CCDC175: variants seen among roughly 807,000 people sequenced by gnomAD.
The protein encoded by CCDC175 is coiled-coil domain containing 175, also known as coiled-coil domain-containing protein 175.
CCDC175 carries 100 observed loss-of-function variants against 114.6 expected under a neutral mutation model. That is an observed-to-expected ratio of 0.87 (90% CI 0.74 to 1.03). CCDC175 has a LOEUF of 1.03. CCDC175 is among the 50% of genes least tolerant of loss of function. The probability of loss-of-function intolerance (pLI) is 0.00; values close to 1 mark genes in which losing one functional copy is unlikely to be tolerated. For synonymous variants in CCDC175, 306 were observed against 308.7 expected, an observed-to-expected ratio of 0.99 and a Z score of 0.09; for missense variants, 880 against 917.8, an observed-to-expected ratio of 0.96 and a Z score of 0.53.
chr14:59,527,022 G>C, intron 15 of CCDC175, 73 bp downstream of exon 15: 1 of 772,680 alleles, frequency 1.3e-6, no homozygotes. Flanking sequence ...TCAATGCCAG[G>C]TAAATACTAC....
intron 17 of CCDC175, among the ~76,000 whole-genome samples, chr14:59,518,121 G>T (rs972353481): frequency 9.7e-4 from 148 of 152,260 alleles, no homozygotes; most frequent in Middle Eastern, 6.8e-3. Flanking sequence ...TAGCCATATG[G>T]AGAAAGCTGA....
chr14:59,576,597 C>T, intron 1 of CCDC175, 22 bp downstream of exon 1: 2 of 1,406,600 alleles, frequency 1.4e-6, no homozygotes, highest in Non-Finnish European at 1.8e-6. Flanking sequence ...ACGTCCCTTC[C>T]AGCGCCCGAG....
intron 4 of CCDC175, among the ~76,000 whole-genome samples, chr14:59,565,811 C>T (rs1302490545): frequency 6.6e-6 from 1 of 152,186 alleles, no homozygotes; most frequent in Non-Finnish European, 1.5e-5. Flanking sequence ...TGCCTCGCCC[C>T]ACCCGTCCCC....
intron 4 of CCDC175, among the ~76,000 whole-genome samples, chr14:59,566,864 C>A (rs962018463): frequency 6.6e-6 from 1 of 152,172 alleles, no homozygotes. Context: ...CCTGCCACCA[C>A]CTTCTGTTTG....
chr14:59,530,437 G>A (rs955681879), intron 14 of CCDC175, among the ~76,000 whole-genome samples: 2 of 143,162 alleles, frequency 1.4e-5, no homozygotes, highest in Admixed American at 1.4e-4. Context: ...GGAAAGGAAA[G>A]GAAGGGAAGG....
At chr14:59,538,875 T>C (rs1308838141) in intron 11 of CCDC175, 35 bp from the exon 12 acceptor site, 2 of 1,507,442 alleles carry the variant, frequency 1.3e-6, no homozygotes. Context: ...GCCATTAAAT[T>C]GACATAGCAG....
intron 19 of CCDC175, among the ~76,000 whole-genome samples, chr14:59,509,637 C>G (rs1022597700): frequency 5.9e-5 from 9 of 152,120 alleles, no homozygotes; most frequent in Non-Finnish European, 1.0e-4. Context: ...CTCAACCTTC[C>G]GAGTAGCTGA....
intron 17 of CCDC175, among the ~76,000 whole-genome samples, chr14:59,519,538 G>A (rs896516500): frequency 6.6e-6 from 1 of 152,162 alleles, no homozygotes; most frequent in Non-Finnish European, 1.5e-5. Context: ...GAAAAGTCAA[G>A]CTTCAGACAG....
intron 7 of CCDC175, among the ~76,000 whole-genome samples, chr14:59,560,679 C>T (rs1896180517): frequency 6.6e-6 from 1 of 152,090 alleles, no homozygotes. Context: ...GTTCCAGTCC[C>T]ACGTGTAGCA....
intron 3 of CCDC175, among the ~76,000 whole-genome samples, chr14:59,569,061 A>G (rs1249853829): frequency 1.3e-5 from 2 of 152,232 alleles, no homozygotes; most frequent in African/African-American, 4.8e-5. Context: ...TCCATAAATA[A>G]TAAGTCAGTG....
chr14:59,555,861 C>T (rs1183957894), intron 7 of CCDC175, among the ~76,000 whole-genome samples: 1 of 152,124 alleles, frequency 6.6e-6, no homozygotes, highest in Non-Finnish European at 1.5e-5. Flanking sequence ...AACTCCCATT[C>T]ACAATTGCTT....
intron 1 of CCDC175, among the ~76,000 whole-genome samples, chr14:59,575,512 T>C (rs1897061616): frequency 6.8e-6 from 1 of 148,146 alleles, no homozygotes; most frequent in South Asian, 2.2e-4. Context: ...TTCCTTTTTT[T>C]TTTTTTTTTT....
At chr14:59,539,670 T>C (rs1419577204) in intron 11 of CCDC175, among the ~76,000 whole-genome samples, 1 of 151,978 alleles carries the variant, frequency 6.6e-6, no homozygotes, top group Non-Finnish European at 1.5e-5. Context: ...TCCCAGCACT[T>C]TGGGAGGCCA....
intron 6 of CCDC175, among the ~76,000 whole-genome samples, chr14:59,561,785 TTGCAA>T (rs1896238833): frequency 6.6e-6 from 1 of 152,226 alleles, no homozygotes; most frequent in Admixed American, 6.5e-5. Context: ...ACCGACATTT[TTGCAA>T]TGCAATTTTG....
rs533442216 is a variant in CCDC175, at chr14:59,557,161, G to A, written c.953+3958C>T. 1.2e-4 allele frequency among the ~76,000 whole-genome samples: 19 copies of A among 152,182 alleles called. No homozygotes were observed. The South Asian group carries it at 1.5e-3, about 12-fold the overall frequency. On this transcript the variant is annotated intron_variant, in intron 7 of 19. Transcript: ENST00000537690. ...AAATCATACTGCTATAAAGACACACGCACACGTATGTTTATTGCGGCACTA... is the reference window on the plus strand; with the variant it reads ...AAATCATACTGCTATAAAGACACACACACACGTATGTTTATTGCGGCACTA...
intron 17 of CCDC175, among the ~76,000 whole-genome samples, chr14:59,513,581 T>C (rs1338569040): frequency 6.6e-6 from 1 of 152,104 alleles, no homozygotes; most frequent in Non-Finnish European, 1.5e-5. Flanking sequence ...AGCACAGCAG[T>C]CTGAGATCAA....
intron 13 of CCDC175, among the ~76,000 whole-genome samples, chr14:59,532,262 T>C (rs1191268592): frequency 6.6e-6 from 1 of 152,190 alleles, no homozygotes; most frequent in Non-Finnish European, 1.5e-5. Context: ...AAGAGGCAGA[T>C]AAACAGAATA....
intron 1 of CCDC175, among the ~76,000 whole-genome samples, chr14:59,576,315 G>A (rs765455528): frequency 6.6e-6 from 1 of 152,212 alleles, no homozygotes; most frequent in Non-Finnish European, 1.5e-5. Context: ...CTAAATGCAG[G>A]TGTGTAATCA....
rs1219018597 is a variant in CCDC175 at position 59,521,651 on chromosome 14, A to C, written c.2021T>G (p.Ile674Arg). The C allele has an allele frequency of 6.5e-7, 1 of 1,530,226 alleles. No homozygotes were observed. Among genetic ancestry groups the C allele is most frequent in the Admixed American group, 2.0e-5 (1 of 50,970 alleles). The allele number at this position is 1,530,226 out of a possible 1,614,324, so 94.8% of individuals were successfully genotyped here. A position where few individuals can be genotyped will look rare whatever the true frequency, so the allele number is the denominator to read the frequency against. The change falls in exon 17 of 20, where the codon ATA becomes AGA. Residue 674 changes from isoleucine to arginine, a missense_variant. By Grantham distance (97) the Ile-to-Arg change is moderately conservative (BLOSUM62 -3). Transcript: ENST00000537690. ...TTCTTGTCCTTCTCTGTATTTCTCT[A>C]TGTTATTCTTCAAGTATAAAATATA... ...KEYILYLKNN[I>R]EKYREGQEAL...
Sources: allele counts gnomAD v4.1 joint callset (sites outside exome capture counted in the v4.1 genomes callset), GRCh38; gene constraint gnomAD v4.1.1; transcripts MANE v1.5; gene names NCBI Gene and HGNC (gene_info 2026-07-23, HGNC 2026-07-21).